The following PIK3R1 variants were observed in gnomAD, a reference collection of about 807,000 sequenced individuals.
The protein encoded by PIK3R1 is phosphoinositide-3-kinase regulatory subunit 1.
In PIK3R1, 29 loss-of-function variants were observed where a neutral mutation model predicts 98.0. That is an observed-to-expected ratio of 0.30 (90% CI 0.22 to 0.40). The LOEUF is 0.40. PIK3R1 is among the 10% of genes least tolerant of loss of function. PIK3R1 has a pLI of 1.00. For synonymous variants in PIK3R1, 282 were observed against 311.8 expected (o/e 0.90, Z 1.01); for missense variants, 596 against 872.7 (o/e 0.68, Z 3.99).
intron 12 of PIK3R1, 88 bp from the exon 13 acceptor site, chr5:68,295,060 T>C: frequency 9.1e-7 from 1 of 1,101,304 alleles, no homozygotes; most frequent in South Asian, 2.2e-5. Context: ...GGAAAACTGC[T>C]GGGAAACCAT....
At chr5:68,261,610 A>T (rs1054960967) in intron 2 of PIK3R1, among the ~76,000 whole-genome samples, 7 of 152,192 alleles carry the variant, frequency 4.6e-5, no homozygotes, top group African/African-American at 1.7e-4. Flanking sequence ...GGCTAAAATG[A>T]ATGTCTTCAG....
intron 2 of PIK3R1, among the ~76,000 whole-genome samples, chr5:68,252,040 G>A (rs1745330926): frequency 6.6e-6 from 1 of 152,156 alleles, no homozygotes; most frequent in African/African-American, 2.4e-5. Flanking sequence ...TGTCTGCCAA[G>A]TGTTTGAGCA....
intron 2 of PIK3R1, among the ~76,000 whole-genome samples, chr5:68,262,436 T>G (rs1250295153): frequency 6.9e-6 from 1 of 144,696 alleles, no homozygotes; most frequent in Non-Finnish European, 1.5e-5. Flanking sequence ...ACACTACATA[T>G]ATATGTATGT....
At chr5:68,236,407 G>A (rs1042586226) in intron 2 of PIK3R1, among the ~76,000 whole-genome samples, 5 of 150,838 alleles carry the variant, frequency 3.3e-5, no homozygotes, top group Admixed American at 1.3e-4. Flanking sequence ...CTGCCACCAC[G>A]CCCGTCTAAT....
At chr5:68,243,983 A>C (rs1332357019) in intron 2 of PIK3R1, among the ~76,000 whole-genome samples, 2 of 152,212 alleles carry the variant, frequency 1.3e-5, no homozygotes, top group Admixed American at 6.5e-5. Context: ...AAACAGCTGT[A>C]GTTTAAATTA....
chr5:68,284,025 A>G (rs751825817), intron 7 of PIK3R1, among the ~76,000 whole-genome samples: 20 of 152,206 alleles, frequency 1.3e-4, no homozygotes, highest in Non-Finnish European at 2.8e-4. Context: ...TGTGCAGTGG[A>G]AAAAAAAGTG....
chr5:68,263,947 T>C (rs901282089), intron 2 of PIK3R1, among the ~76,000 whole-genome samples: 5 of 152,198 alleles, frequency 3.3e-5, no homozygotes, highest in African/African-American at 1.2e-4. Flanking sequence ...TTTGTGATGC[T>C]TGCAAATATA....
chr5:68,267,220 C>T (rs1746158438), intron 2 of PIK3R1, among the ~76,000 whole-genome samples: 1 of 152,182 alleles, frequency 6.6e-6, no homozygotes, highest in Non-Finnish European at 1.5e-5. Flanking sequence ...ATTAGGCTAG[C>T]CTGTCAAAGA....
intron 2 of PIK3R1, among the ~76,000 whole-genome samples, chr5:68,262,386 T>TA (rs576101819): frequency 1.8e-4 from 25 of 138,550 alleles, no homozygotes; most frequent in African/African-American, 5.4e-4. Flanking sequence ...TCTATAATTT[T>TA]TATATATATA....
At chr5:68,274,660 A>C (rs528561813) in intron 4 of PIK3R1, among the ~76,000 whole-genome samples, 1 of 152,310 alleles carries the variant, frequency 6.6e-6, no homozygotes, top group South Asian at 2.1e-4. Context: ...AACCAACATG[A>C]TGTCACTGGA....
chr5:68,276,710 T>A (rs1746585527), intron 4 of PIK3R1, among the ~76,000 whole-genome samples: 1 of 152,204 alleles, frequency 6.6e-6, no homozygotes, highest in African/African-American at 2.4e-5. Context: ...CTAGTAGAAT[T>A]TGACATAAGG....
chr5:68,295,988 A>G (rs1004178300), intron 14 of PIK3R1, among the ~76,000 whole-genome samples, 183 bp from the exon 15 acceptor site: 1 of 152,198 alleles, frequency 6.6e-6, no homozygotes, highest in Non-Finnish European at 1.5e-5. Flanking sequence ...GGGAGGTTGC[A>G]CTGGAGGCTG....
At chr5:68,287,260 G>T (rs1231763295) in intron 7 of PIK3R1, among the ~76,000 whole-genome samples, 2 of 152,168 alleles carry the variant, frequency 1.3e-5, no homozygotes, top group Non-Finnish European at 2.9e-5. Context: ...TTTGTTAGGG[G>T]TGTGAAATTT....
At position 68,273,375 on chromosome 5, in the gene PIK3R1, T is replaced by G; in HGVS notation, c.335-15T>G. The G allele has an allele frequency of 6.2e-7, 1 of 1,610,770 alleles. No homozygotes were observed. The highest frequency in any genetic ancestry group is 8.5e-7 in the Non-Finnish European group (1 of 1,177,002). ...ATCCAAATTAAATACAATGGTGGGA[T>G]TTTGTTGTTTGCAGCTTTGACTCTC... On this transcript the variant is annotated splice_polypyrimidine_tract_variant and intron_variant, in intron 2 of 15. Coordinates refer to ENST00000521381, the MANE Select transcript of PIK3R1 (RefSeq NM_181523.3).
chr5:68,280,560 T>C lies in PIK3R1; in HGVS notation c.667T>C (p.Leu223=). Residue 223 remains leucine, a synonymous_variant, in exon 6 of 16, where the codon TTG becomes CTG. Coordinates refer to ENST00000521381, the MANE Select transcript of PIK3R1 (RefSeq NM_181523.3). ...AAGCTCCGAAGAATATATTCAGCTA[T>C]TGAAGAAGCTTATTAGGTCGCCTAG... ...VQSSEEYIQL[L]KKLIRSPSIP... The C allele has an allele frequency of 1.2e-6, 2 of 1,612,104 alleles. No individual in the cohort carries two copies. Among genetic ancestry groups the C allele is most frequent in the Non-Finnish European group, 8.5e-7 (1 of 1,178,292 alleles).
intron 7 of PIK3R1, among the ~76,000 whole-genome samples, chr5:68,285,423 T>G (rs1470687760): frequency 6.6e-6 from 1 of 152,224 alleles, no homozygotes; most frequent in Non-Finnish European, 1.5e-5. Flanking sequence ...GTCTCTGATT[T>G]AATTTTTATT....
At chr5:68,241,115 C>T (rs1744855947) in intron 2 of PIK3R1, among the ~76,000 whole-genome samples, 1 of 152,002 alleles carries the variant, frequency 6.6e-6, no homozygotes, top group African/African-American at 2.4e-5. Context: ...TGTATAATTT[C>T]CTAAGAGAAG....
intron 7 of PIK3R1, among the ~76,000 whole-genome samples, chr5:68,282,351 G>A (rs1312725056): frequency 6.6e-6 from 1 of 152,104 alleles, no homozygotes; most frequent in East Asian, 1.9e-4. Context: ...GTGGCACATG[G>A]CACTTAAGTT....
chr5:68,232,220 T>G (rs1294397249), intron 2 of PIK3R1, among the ~76,000 whole-genome samples: 8 of 152,218 alleles, frequency 5.3e-5, no homozygotes, highest in Non-Finnish European at 1.0e-4. Context: ...CAGTTCACCC[T>G]CTCATGAGCA....
Sources: gnomAD v4.1 joint callset for allele counts (sites outside exome capture counted in the v4.1 genomes callset) on GRCh38, gnomAD v4.1.1 for gene constraint, MANE v1.5 for transcripts, NCBI Gene and HGNC (gene_info 2026-07-23, HGNC 2026-07-21) for gene names.